TAS2R1: variants seen among roughly 807,000 people sequenced by gnomAD.
The protein encoded by TAS2R1 is taste receptor type 2 member 1.
For missense variants in TAS2R1, 370 were observed against 353.4 expected (o/e 1.05, Z -0.38); for synonymous variants, 141 against 134.2 (o/e 1.05, Z -0.35).
the TAS2R1 span, chr5:9,761,100 T>C: frequency 1.3e-5 from 2 of 152,188 alleles, no homozygotes; most frequent in Non-Finnish European, 2.9e-5. Context: ...GGTCATAGGA[T>C]ATAAGGTTAA....
intron 1 of TAS2R1, chr5:9,712,026 G>A (rs1405089916): frequency 1.0e-5 from 1 of 96,858 alleles, no homozygotes; most frequent in East Asian, 2.6e-4. Context: ...AAGGAAGGAA[G>A]GAAGGGAGGG....
chr5:9,665,745 G>C (rs903896567), intron 1 of TAS2R1, among the ~76,000 whole-genome samples: 2 of 152,190 alleles, frequency 1.3e-5, no homozygotes, highest in African/African-American at 4.8e-5. Flanking sequence ...CTCGAAAAGG[G>C]CTTGTTTATT....
At chr5:9,759,062 T>C in the TAS2R1 span, among the ~76,000 whole-genome samples, 2,173 of 152,332 alleles carry the variant, frequency 0.014, 144 homozygotes, top group East Asian at 0.2. Flanking sequence ...AAGCAGATGG[T>C]GGTGACTCCA....
the TAS2R1 span, among the ~76,000 whole-genome samples, chr5:9,871,810 T>A: frequency 6.6e-6 from 1 of 152,150 alleles, no homozygotes; most frequent in Non-Finnish European, 1.5e-5. Context: ...TTTTAATATA[T>A]ACAAGAAATG....
chr5:9,699,337 C>T (rs1741427197), intron 1 of TAS2R1, among the ~76,000 whole-genome samples: 1 of 152,240 alleles, frequency 6.6e-6, no homozygotes, highest in African/African-American at 2.4e-5. Flanking sequence ...AATCAGTTCC[C>T]TTCGACGCTT....
the TAS2R1 span, among the ~76,000 whole-genome samples, chr5:9,861,893 G>A: frequency 6.6e-6 from 1 of 152,204 alleles, no homozygotes; most frequent in East Asian, 1.9e-4. Flanking sequence ...CCAGGCATGA[G>A]GGGTCCTCAC....
chr5:9,642,442 G>A (rs538555705), intron 2 of TAS2R1, among the ~76,000 whole-genome samples: 12 of 152,216 alleles, frequency 7.9e-5, no homozygotes, highest in South Asian at 2.1e-4. Context: ...AGCAGAGCTC[G>A]GCCCTTGTAA....
chr5:9,758,031 T>C, the TAS2R1 span, among the ~76,000 whole-genome samples: 2 of 152,136 alleles, frequency 1.3e-5, no homozygotes, highest in South Asian at 4.1e-4. Flanking sequence ...ATTAATTATG[T>C]GAACCTAGAT....
the TAS2R1 span, among the ~76,000 whole-genome samples, chr5:9,804,018 C>T: frequency 1.7e-3 from 253 of 152,180 alleles, 2 homozygotes; most frequent in African/African-American, 5.7e-3. Flanking sequence ...TAAGGATTCA[C>T]ATAAACTTAA....
chr5:9,882,861 T>C, the TAS2R1 span, among the ~76,000 whole-genome samples: 7 of 152,312 alleles, frequency 4.6e-5, no homozygotes, highest in East Asian at 1.3e-3. Context: ...AACCATTCTA[T>C]TTAATTATTA....
chr5:9,635,567 C>G (rs543245941), intron 2 of TAS2R1, among the ~76,000 whole-genome samples: 1 of 151,096 alleles, frequency 6.6e-6, no homozygotes, highest in African/African-American at 2.4e-5. Context: ...GCTGTGAACA[C>G]TTTTGGTTCT....
chr5:9,719,666 C>T, the TAS2R1 span, among the ~76,000 whole-genome samples: 2 of 150,578 alleles, frequency 1.3e-5, no homozygotes, highest in Non-Finnish European at 2.9e-5. Flanking sequence ...CGGTGGCTCA[C>T]GCCTGTAATC....
chr5:9,722,322 T>C, the TAS2R1 span, among the ~76,000 whole-genome samples: 1 of 152,230 alleles, frequency 6.6e-6, no homozygotes, highest in Non-Finnish European at 1.5e-5. Flanking sequence ...CACAGTGAAA[T>C]AATAAATGCT....
the TAS2R1 span, among the ~76,000 whole-genome samples, chr5:9,837,118 C>A: frequency 6.6e-6 from 1 of 152,092 alleles, no homozygotes; most frequent in African/African-American, 2.4e-5. Context: ...AGAAGATGAA[C>A]CCAAAGGCTT....
the TAS2R1 span, among the ~76,000 whole-genome samples, chr5:9,887,532 A>G: frequency 8.5e-5 from 13 of 152,118 alleles, no homozygotes; most frequent in Non-Finnish European, 1.8e-4. Context: ...TTTCTTTGAC[A>G]TTCAACACAC....
At chr5:9,673,044 G>A (rs1032331189) in intron 1 of TAS2R1, among the ~76,000 whole-genome samples, 11 of 152,172 alleles carry the variant, frequency 7.2e-5, no homozygotes, top group African/African-American at 2.7e-4. Context: ...TGCAGGAAAA[G>A]AAAACCACAT....
chr5:9,632,069 G>A (rs1026569889), upstream of TAS2R1, among the ~76,000 whole-genome samples: 1 of 152,078 alleles, frequency 6.6e-6, no homozygotes, highest in African/African-American at 2.4e-5. Context: ...AGAAATGTAA[G>A]GGCATGCAGC....
intron 1 of TAS2R1, among the ~76,000 whole-genome samples, chr5:9,704,425 G>A (rs1359399421): frequency 3.3e-5 from 5 of 152,022 alleles, no homozygotes; most frequent in African/African-American, 2.4e-5. Context: ...CCCATGAGCT[G>A]CAAGCTGGCT....
chr5:9,776,696 T>C, the TAS2R1 span, among the ~76,000 whole-genome samples: 2 of 152,302 alleles, frequency 1.3e-5, no homozygotes, highest in Non-Finnish European at 2.9e-5. Context: ...CGTGGCTTCC[T>C]GCTTGACGTG....
Sources: allele counts gnomAD v4.1 joint callset (sites outside exome capture counted in the v4.1 genomes callset), GRCh38; gene constraint gnomAD v4.1.1; transcripts MANE v1.5; gene names NCBI Gene and HGNC (gene_info 2026-07-23, HGNC 2026-07-21).